The following WDR41 variants were observed in gnomAD, a reference collection of about 807,000 sequenced individuals.
WDR41 encodes WD repeat-containing protein 41.
A neutral mutation model predicts 69.3 loss-of-function variants in WDR41; 63 were observed. That is an observed-to-expected ratio of 0.91 (90% confidence interval 0.74 to 1.12). The LOEUF (loss-of-function observed/expected upper bound fraction) is 1.12. WDR41 is among the 50% of genes most tolerant of loss of function. The pLI is 0.00. For missense variants in WDR41, 543 were observed against 534.5 expected, an observed-to-expected ratio of 1.02 and a Z score of -0.16; for synonymous variants, 185 against 192.1, an observed-to-expected ratio of 0.96 and a Z score of 0.31.
intron 1 of WDR41, among the ~76,000 whole-genome samples, chr5:77,530,684 G>A (rs1802514610): frequency 6.6e-6 from 1 of 151,718 alleles, no homozygotes; most frequent in East Asian, 1.9e-4. Context: ...ATGGTCATAT[G>A]TAGCTGTCAA....
chr5:77,567,739 A>G (rs757764423), intron 1 of WDR41, among the ~76,000 whole-genome samples: 1 of 151,976 alleles, frequency 6.6e-6, no homozygotes, highest in Non-Finnish European at 1.5e-5. Context: ...GTTTAAAATG[A>G]ACATTCCCCA....
intron 2 of WDR41, among the ~76,000 whole-genome samples, chr5:77,475,725 A>G (rs1418549867): frequency 6.6e-6 from 1 of 152,202 alleles, no homozygotes; most frequent in African/African-American, 2.4e-5. Flanking sequence ...TGGGGAAAAA[A>G]CAGAGCAGAA....
chr5:77,441,438 A>C (rs1386996589), intron 8 of WDR41, among the ~76,000 whole-genome samples: 7 of 152,096 alleles, frequency 4.6e-5, no homozygotes, highest in South Asian at 2.1e-4. Context: ...AAGAGATCCT[A>C]GTAAGTAGCT....
intron 1 of WDR41, among the ~76,000 whole-genome samples, chr5:77,614,778 C>T (rs1744645094): frequency 6.7e-6 from 1 of 150,140 alleles, no homozygotes; most frequent in African/African-American, 2.5e-5. Context: ...TGCACATGTA[C>T]CCTAAAACTT....
chr5:77,491,855 A>C (rs1801804688), intron 1 of WDR41: 3 of 390,302 alleles, frequency 7.7e-6, no homozygotes, highest in Non-Finnish European at 9.1e-6. Context: ...CAGAAGCCCT[A>C]AGTTGTCACA....
intron 1 of WDR41, among the ~76,000 whole-genome samples, chr5:77,604,077 T>G (rs937251642): frequency 2.1e-4 from 32 of 152,194 alleles, no homozygotes; most frequent in Non-Finnish European, 2.5e-4. Context: ...TGGTTCCATA[T>G]GAATTTTAGG....
chr5:77,465,303 A>C (rs1015575771), intron 2 of WDR41, among the ~76,000 whole-genome samples: 8 of 152,076 alleles, frequency 5.3e-5, no homozygotes, highest in African/African-American at 1.7e-4. Flanking sequence ...GGTTTGGAAG[A>C]TTTGAGGATT....
At chr5:77,559,306 A>C (rs1437603593) in intron 1 of WDR41, among the ~76,000 whole-genome samples, 1 of 152,222 alleles carries the variant, frequency 6.6e-6, no homozygotes, top group African/African-American at 2.4e-5. Flanking sequence ...TAATCTTAAG[A>C]GTATAGATGT....
intron 2 of WDR41, among the ~76,000 whole-genome samples, chr5:77,470,131 C>G (rs1195568234): frequency 1.3e-5 from 2 of 151,736 alleles, no homozygotes; most frequent in African/African-American, 2.4e-5. Context: ...ATTCAACATT[C>G]TTAAAGAAAA....
intron 1 of WDR41, among the ~76,000 whole-genome samples, chr5:77,578,862 C>T (rs1325294008): frequency 1.4e-5 from 1 of 71,548 alleles, no homozygotes; most frequent in Non-Finnish European, 2.3e-5. Context: ...AAAACTCCAT[C>T]TCAAAAAAAA....
At chr5:77,518,031 T>C (rs1802316794) in intron 1 of WDR41, among the ~76,000 whole-genome samples, 1 of 152,080 alleles carries the variant, frequency 6.6e-6, no homozygotes, top group South Asian at 2.1e-4. Flanking sequence ...ATGAGCTCCC[T>C]CAAAAAAAAG....
At chr5:77,543,280 C>G (rs534765150) in intron 1 of WDR41, among the ~76,000 whole-genome samples, 2 of 152,162 alleles carry the variant, frequency 1.3e-5, no homozygotes, top group Non-Finnish European at 2.9e-5. Flanking sequence ...ACTAGCTCAC[C>G]AGCAATGGAC....
intron 2 of WDR41, 80 bp from the exon 3 acceptor site, chr5:77,464,889 T>C: frequency 7.1e-7 from 1 of 1,417,388 alleles, no homozygotes; most frequent in Non-Finnish European, 9.9e-7. Flanking sequence ...CAAACCTTAT[T>C]AGTGGTATTT....
intron 9 of WDR41, 66 bp downstream of exon 9, chr5:77,440,747 T>C: frequency 6.7e-7 from 1 of 1,503,282 alleles, no homozygotes; most frequent in Non-Finnish European, 9.1e-7. Context: ...GGATTAAATT[T>C]TTAAAATCAG....
intron 11 of WDR41, among the ~76,000 whole-genome samples, chr5:77,437,007 G>A (rs1026391785): frequency 1.3e-5 from 2 of 152,028 alleles, no homozygotes; most frequent in African/African-American, 4.8e-5. Context: ...GACATCTGAC[G>A]GTACAAATTT....
At chr5:77,533,086 T>C (rs1742886405) in intron 1 of WDR41, among the ~76,000 whole-genome samples, 1 of 152,202 alleles carries the variant, frequency 6.6e-6, no homozygotes, top group Admixed American at 6.5e-5. Flanking sequence ...CCTCATACAT[T>C]GCTGGTGGGA....
upstream of WDR41, among the ~76,000 whole-genome samples, chr5:77,497,148 GA>G (rs1202617272): frequency 6.6e-6 from 1 of 151,836 alleles, no homozygotes; most frequent in Non-Finnish European, 1.5e-5. Context: ...ACTCTTAGAA[GA>G]AAAAAAATTG....
intron 1 of WDR41, among the ~76,000 whole-genome samples, chr5:77,538,133 A>T (rs1244065891): frequency 6.6e-6 from 1 of 152,058 alleles, no homozygotes; most frequent in Admixed American, 6.6e-5. Context: ...TATTTCCATG[A>T]TTCCACTCTC....
intron 2 of WDR41, among the ~76,000 whole-genome samples, chr5:77,478,975 A>G (rs538933491): frequency 1.3e-5 from 2 of 151,930 alleles, no homozygotes; most frequent in Non-Finnish European, 2.9e-5. Context: ...AACTTCAGCA[A>G]AGTCTCAGGA....
Sources: allele counts gnomAD v4.1 joint callset (sites outside exome capture counted in the v4.1 genomes callset), GRCh38; gene constraint gnomAD v4.1.1; transcripts MANE v1.5; gene names NCBI Gene and HGNC (gene_info 2026-07-23, HGNC 2026-07-21).